Variants in SLIT3 observed in about 807,000 individuals in gnomAD.
The protein encoded by SLIT3 is slit guidance ligand 3.
Under a neutral mutation model 184.0 loss-of-function variants are expected in SLIT3, and 68 were observed. That is an observed-to-expected ratio of 0.37 (90% CI 0.30 to 0.45). The LOEUF is 0.45. Among genes scored for constraint, SLIT3 ranks in the 20% least tolerant of loss-of-function variants. The pLI is 1.00. For synonymous variants in SLIT3, 831 were observed against 828.6 expected (o/e 1.00, Z -0.05); for missense variants, 1,707 against 2,026.0 (o/e 0.84, Z 3.02).
At chr5:169,233,944 G>A (rs1373594692) in intron 3 of SLIT3, among the ~76,000 whole-genome samples, 4 of 152,120 alleles carry the variant, frequency 2.6e-5, no homozygotes, top group African/African-American at 9.7e-5. Flanking sequence ...CATCAACTTC[G>A]ATGTTTGCTG....
chr5:169,080,421 C>T (rs888680342), intron 4 of SLIT3, among the ~76,000 whole-genome samples: 10 of 152,150 alleles, frequency 6.6e-5, no homozygotes, highest in African/African-American at 2.4e-4. Context: ...GAGGTGGGTA[C>T]TATGATCTCC....
chr5:168,894,652 T>C (rs1760599721), intron 4 of SLIT3, among the ~76,000 whole-genome samples: 2 of 152,312 alleles, frequency 1.3e-5, no homozygotes, highest in Middle Eastern at 3.4e-3. Context: ...AATGAGCAGT[T>C]ACAGTGGGAA....
Position 168,669,993 on chromosome 5 carries a change from TA to T in SLIT3, c.4128-3del, listed in dbSNP as rs1353217216. ...GCCACACATTTTCCATGGTGGCATCTAGGGGCAGAGAGGAGGATGAGAAGGG... is the reference window on the plus strand; with the variant it reads ...GCCACACATTTTCCATGGTGGCATCTGGGGCAGAGAGGAGGATGAGAAGGG... On this transcript the variant is annotated splice_polypyrimidine_tract_variant and splice_region_variant and intron_variant, in intron 34 of 35. Coordinates refer to ENST00000519560, the MANE Select transcript of SLIT3 (RefSeq NM_003062.4). The T allele has an allele frequency of 6.2e-7, 1 of 1,613,766 alleles. No homozygotes were observed. Among genetic ancestry groups the T allele is most frequent in the Non-Finnish European group, 8.5e-7 (1 of 1,179,756 alleles).
At chr5:169,161,090 T>A (rs549295840) in intron 4 of SLIT3, among the ~76,000 whole-genome samples, 11 of 152,320 alleles carry the variant, frequency 7.2e-5, no homozygotes, top group African/African-American at 2.4e-4. Context: ...CACCCAGCTC[T>A]CAGCTCCTGG....
intron 4 of SLIT3, among the ~76,000 whole-genome samples, chr5:169,085,865 C>T (rs1759272752): frequency 6.6e-6 from 1 of 152,190 alleles, no homozygotes; most frequent in Admixed American, 6.5e-5. Flanking sequence ...TGTTGCTAGG[C>T]AGCCCCATCT....
intron 23 of SLIT3, among the ~76,000 whole-genome samples, chr5:168,721,996 T>A (rs1248596619): frequency 6.6e-6 from 1 of 152,232 alleles, no homozygotes; most frequent in Non-Finnish European, 1.5e-5. Flanking sequence ...GATCCCATTT[T>A]ACACATAAAG....
intron 4 of SLIT3, among the ~76,000 whole-genome samples, chr5:169,147,361 C>T (rs143478247): frequency 0.029 from 4,471 of 152,256 alleles, 221 homozygotes; most frequent in African/African-American, 0.1. Flanking sequence ...CTCCACCTCC[C>T]GGGTTCAAGC....
At chr5:169,183,066 C>A (rs80274290) in intron 4 of SLIT3, among the ~76,000 whole-genome samples, 2,237 of 152,256 alleles carry the variant, frequency 0.015, 50 homozygotes, top group African/African-American at 0.052. Flanking sequence ...CACACTTATA[C>A]CCTCCGGGCT....
chr5:168,850,700 A>G (rs1758636598), intron 5 of SLIT3, among the ~76,000 whole-genome samples: 1 of 152,246 alleles, frequency 6.6e-6, no homozygotes, highest in Non-Finnish European at 1.5e-5. Context: ...AAATGTCATT[A>G]TGCATACTTT....
intron 4 of SLIT3, among the ~76,000 whole-genome samples, chr5:169,083,309 A>G (rs920874198): frequency 6.0e-5 from 9 of 150,960 alleles, no homozygotes; most frequent in Non-Finnish European, 1.3e-4. Context: ...AGTCATACAA[A>G]AAGACTCTAG....
chr5:168,939,182 C>A (rs1762256529), intron 4 of SLIT3, among the ~76,000 whole-genome samples: 1 of 152,200 alleles, frequency 6.6e-6, no homozygotes, highest in Non-Finnish European at 1.5e-5. Flanking sequence ...CCCTGGGCAA[C>A]TTACGTAGCT....
intron 3 of SLIT3, among the ~76,000 whole-genome samples, chr5:169,240,661 G>A (rs1301456579): frequency 7.7e-6 from 1 of 130,190 alleles, no homozygotes; most frequent in African/African-American, 2.9e-5. Flanking sequence ...TATATGTTTG[G>A]TATTTTTTAA....
chr5:168,760,827 C>A (rs1755121027), intron 16 of SLIT3, 35 bp downstream of exon 16: 6 of 1,527,166 alleles, frequency 3.9e-6, no homozygotes, highest in Non-Finnish European at 3.6e-6. Context: ...GGCTAGAGAA[C>A]AGAGGCTGCT....
At chr5:168,751,490 A>G (rs1754708308) in intron 18 of SLIT3, among the ~76,000 whole-genome samples, 1 of 152,174 alleles carries the variant, frequency 6.6e-6, no homozygotes, top group South Asian at 2.1e-4. Context: ...GAGGTAGATT[A>G]TGCAGAAGGG....
At chr5:168,754,488 G>T (rs983186916) in intron 16 of SLIT3, among the ~76,000 whole-genome samples, 4 of 152,174 alleles carry the variant, frequency 2.6e-5, no homozygotes, top group African/African-American at 9.7e-5. Context: ...GGCTGGGAAG[G>T]TTTGAGGGAG....
At chr5:169,255,396 G>A (rs969073691) in intron 1 of SLIT3, among the ~76,000 whole-genome samples, 1 of 152,118 alleles carries the variant, frequency 6.6e-6, no homozygotes, top group Non-Finnish European at 1.5e-5. Flanking sequence ...CAGTGAGATG[G>A]ATGATCCTGA....
chr5:168,715,988 A>G (rs1337653756), intron 23 of SLIT3, among the ~76,000 whole-genome samples: 1 of 147,712 alleles, frequency 6.8e-6, no homozygotes, highest in East Asian at 2.0e-4. Flanking sequence ...TTTCTTTTTC[A>G]GACAGAGTCT....
intron 3 of SLIT3, among the ~76,000 whole-genome samples, chr5:169,225,760 G>A (rs1764785956): frequency 1.3e-5 from 2 of 152,216 alleles, no homozygotes; most frequent in Admixed American, 6.5e-5. Context: ...AAAAGCAGAG[G>A]TGACACTAGA....
At chr5:169,117,941 G>A (rs1351601243) in intron 4 of SLIT3, among the ~76,000 whole-genome samples, 1 of 152,132 alleles carries the variant, frequency 6.6e-6, no homozygotes, top group Non-Finnish European at 1.5e-5. Context: ...TCTCATACAG[G>A]CCCAGCATCA....
Sources: allele counts gnomAD v4.1 joint callset (sites outside exome capture counted in the v4.1 genomes callset), GRCh38; gene constraint gnomAD v4.1.1; transcripts MANE v1.5; gene names NCBI Gene and HGNC (gene_info 2026-07-23, HGNC 2026-07-21).